The following PPID variants were observed in gnomAD, a reference collection of about 807,000 sequenced individuals.
PPID encodes the protein peptidylprolyl isomerase D, also known as peptidyl-prolyl cis-trans isomerase D.
Under a neutral mutation model 48.1 loss-of-function variants are expected in PPID, and 47 were observed. The ratio of observed to expected loss-of-function variants is 0.98; its 90% CI spans 0.77 to 1.25. PPID has a LOEUF of 1.25. Among genes scored for constraint, PPID ranks in the 50% most tolerant of loss-of-function variants. The probability of loss-of-function intolerance (pLI) is 0.00; values close to 1 mark genes in which losing one functional copy is unlikely to be tolerated. For missense variants in PPID, 429 were observed against 443.5 expected (o/e 0.97, Z 0.29); for synonymous variants, 163 against 148.8 (o/e 1.10, Z -0.69).
chr4:158,714,030 AAAAAG>A (rs1227727731), intron 6 of PPID, among the ~76,000 whole-genome samples: 2 of 152,186 alleles, frequency 1.3e-5, no homozygotes, highest in African/African-American at 4.8e-5. Context: ...AAAAGGAAAA[AAAAAG>A]AAAAGAAAAA....
chr4:158,711,218 C>G (rs560615891), intron 7 of PPID, among the ~76,000 whole-genome samples: 7 of 151,958 alleles, frequency 4.6e-5, no homozygotes, highest in Non-Finnish European at 8.8e-5. Flanking sequence ...GTTATAAACT[C>G]TTAAGTTTTT....
At chr4:158,713,812 C>T (rs1483941525) in intron 6 of PPID, among the ~76,000 whole-genome samples, 1 of 150,688 alleles carries the variant, frequency 6.6e-6, no homozygotes, top group African/African-American at 2.5e-5. Flanking sequence ...TAGGAACATG[C>T]CAAAGGAAAG....
At chr4:158,715,026 C>T (rs1014580534) in intron 6 of PPID, among the ~76,000 whole-genome samples, 5 of 152,130 alleles carry the variant, frequency 3.3e-5, no homozygotes, top group Non-Finnish European at 7.3e-5. Context: ...CAACAACTTC[C>T]TATCAAAATA....
At chr4:158,717,979 C>T (rs1486662632) in intron 3 of PPID, among the ~76,000 whole-genome samples, 1 of 152,180 alleles carries the variant, frequency 6.6e-6, no homozygotes, top group Admixed American at 6.5e-5. Context: ...TATAATGTTT[C>T]ATGACACCCC....
Position 158,717,123 on chromosome 4 carries a change from A to G in PPID, c.411T>C (p.Val137=). 6.2e-7 allele frequency: 1 copy of G among 1,614,126 alleles called. No individual in the cohort carries two copies. The highest frequency in any genetic ancestry group is 8.5e-7 in the Non-Finnish European group (1 of 1,179,970). The change falls in exon 4 of 10, where the codon GTT becomes GTC. Residue 137 remains valine, a synonymous_variant. Coordinates refer to ENST00000307720, the MANE Select transcript of PPID (RefSeq NM_005038.3). Reference sequence around the variant, plus strand: ...GTTTCCCATCCAAATGAGGAGTTGGAACTGTTGTGATAAAAAACTGAGAAC... The same window carrying G: ...GTTTCCCATCCAAATGAGGAGTTGGGACTGTTGTGATAAAAAACTGAGAAC... ...TNGSQFFITT[V]PTPHLDGKHV...
At chr4:158,710,481 T>G in intron 9 of PPID, 147 bp downstream of exon 9, 1 of 781,948 alleles carries the variant, frequency 1.3e-6, no homozygotes, top group South Asian at 1.6e-5. Context: ...TCTTGTTCAT[T>G]GCTATATGAT....
intron 7 of PPID, among the ~76,000 whole-genome samples, chr4:158,711,911 G>A (rs1049152428): frequency 6.6e-6 from 1 of 152,110 alleles, no homozygotes; most frequent in Non-Finnish European, 1.5e-5. Context: ...AGGCTGCAGT[G>A]AGCTTTGATT....
chr4:158,720,784 G>A (rs933907084), intron 2 of PPID, among the ~76,000 whole-genome samples: 1 of 151,990 alleles, frequency 6.6e-6, no homozygotes, highest in Non-Finnish European at 1.5e-5. Flanking sequence ...GCGTGATCTC[G>A]GCTCACTGCA....
rs760948363 is a variant in PPID, at chr4:158,717,211, A to T, written c.334-11T>A. ...ACCCTCCCGATCATGCTGTAGAAATAAAAATTAAAAGAAAACCAAGGTTAG... is the reference window on the plus strand; with the variant it reads ...ACCCTCCCGATCATGCTGTAGAAATTAAAATTAAAAGAAAACCAAGGTTAG... On this transcript the variant is annotated splice_polypyrimidine_tract_variant and intron_variant, in intron 3 of 9. Coordinates refer to ENST00000307720, the MANE Select transcript of PPID (RefSeq NM_005038.3). 6.3e-7 allele frequency: 1 copy of T among 1,596,692 alleles called. No individual in the cohort carries two copies. Among genetic ancestry groups the T allele is most frequent in the South Asian group, 1.1e-5 (1 of 88,656 alleles).
chr4:158,715,593 A>C lies in PPID; in HGVS notation c.614T>G (p.Phe205Cys), dbSNP rs1463933963. ...TAAATCTATATCCGCATCCTCAGGG[A>C]AATCTGGATGACTGTCGCCAGAGCC... ...KDGSGDSHPD[F>C]PEDADIDLKD... is the part of the protein sequence containing the mutation. The change falls in exon 5 of 10, where the codon TTC becomes TGC. Residue 205 changes from phenylalanine to cysteine, a missense_variant. Phe to Cys is a radical substitution (Grantham distance 205, BLOSUM62 -2). Coordinates refer to ENST00000307720, the MANE Select transcript of PPID (RefSeq NM_005038.3). The C allele has an allele frequency of 1.2e-6, 2 of 1,614,016 alleles. No homozygotes were observed. The highest frequency in any genetic ancestry group is 4.5e-5 in the East Asian group (2 of 44,876).
intron 4 of PPID, 134 bp downstream of exon 4, chr4:158,716,878 T>C: frequency 1.1e-6 from 1 of 871,794 alleles, no homozygotes; most frequent in Non-Finnish European, 1.8e-6. Flanking sequence ...GGAGAATAGC[T>C]TGAACCTGGG....
intron 3 of PPID, among the ~76,000 whole-genome samples, chr4:158,718,470 C>A (rs1438607883): frequency 1.3e-5 from 2 of 152,150 alleles, no homozygotes; most frequent in Admixed American, 6.6e-5. Flanking sequence ...CTCCAGTAGT[C>A]CCATGTATCT....
Position 158,722,464 on chromosome 4 carries a change from T to C in PPID, c.85+740A>G, listed in dbSNP as rs974094961. 1.4e-4 allele frequency among the ~76,000 whole-genome samples: 21 copies of C among 152,386 alleles called. 1 individual carries two copies. The Middle Eastern group carries it at 0.01, about 74-fold the overall frequency. ...AGGTGAGATTAAACCTAGCCCTAGCTAGTTGCAACAAACTGAATGTACGTG... is the reference window on the plus strand; with the variant it reads ...AGGTGAGATTAAACCTAGCCCTAGCCAGTTGCAACAAACTGAATGTACGTG... On this transcript the variant is annotated intron_variant, in intron 1 of 9. Coordinates refer to ENST00000307720, the MANE Select transcript of PPID (RefSeq NM_005038.3).
In PPID at chr4:158,715,313, AT is replaced by A. The variant is rs573058760; in HGVS notation, c.735del (p.Lys245AsnfsTer6). On this transcript the variant is annotated frameshift_variant, in exon 6 of 10. Coordinates refer to ENST00000307720, the MANE Select transcript of PPID (RefSeq NM_005038.3). LOFTEE classifies it high-confidence loss of function. ...TAATATTACCTTAAAACTTCTGCAT[AT>A]TTTTTAATAGCCATCTCCCAGTTCT... Reference protein sequence around the residue: ...KSQNWEMAIKKYAEVLRYVDS... With the variant: ...KSQNWEMAIKXYAEVLRYVDS... The A allele has an allele frequency of 1.3e-4, 198 of 1,517,204 alleles. 1 individual carries two copies. The African/African-American group carries it at 2.5e-3, about 19-fold the overall frequency. The allele number at this position is 1,517,204 out of a possible 1,614,324, so 94.0% of individuals were successfully genotyped here.
In PPID at chr4:158,709,884, TAACA is replaced by T. The variant is rs985456000; in HGVS notation, c.1025-64_1025-61del. On this transcript the variant is annotated intron_variant, in intron 9 of 9. Transcript: ENST00000307720. ...AAAATATCCAAAAAATTATGGTGAC[TAACA>T]AACTATTTTAATGTTAACTACCCCT... 19 of 1,375,592 alleles carry T rather than the reference TAACA, an allele frequency of 1.4e-5. No individual in the cohort carries two copies. In the South Asian group the frequency reaches 1.4e-4, roughly 10 times the overall value. 85.2% of individuals were successfully genotyped at this position (1,375,592 alleles called of 1,614,324 possible).
intron 4 of PPID, 101 bp from the exon 5 acceptor site, chr4:158,715,785 T>G: frequency 7.6e-7 from 1 of 1,322,854 alleles, no homozygotes; most frequent in Non-Finnish European, 1.1e-6. Flanking sequence ...ATTCACAGAT[T>G]TATGTGAGAA....
chr4:158,718,971 C>T (rs555481977), intron 3 of PPID, among the ~76,000 whole-genome samples: 28 of 152,196 alleles, frequency 1.8e-4, no homozygotes, highest in Non-Finnish European at 3.8e-4. Flanking sequence ...CATATAAAAA[C>T]TGGATCACAA....
intron 9 of PPID, chr4:158,710,340 A>G (rs956079088): frequency 2.2e-5 from 11 of 503,232 alleles, no homozygotes; most frequent in African/African-American, 2.1e-4. Flanking sequence ...AAAGGATACC[A>G]TAAGACAAAC....
chr4:158,717,071 C>T lies in PPID; in HGVS notation c.463G>A (p.Gly155Arg). ...TCCAATATCCTTGCCACTCCTATTC[C>T]TTTAATTACTTGGCCAAACACCACA... ...KHVVFGQVIKGIGVARILENV... is the reference protein window; with the variant it reads ...KHVVFGQVIKRIGVARILENV... The change falls in exon 4 of 10, where the codon GGA (glycine) becomes AGA (arginine). Residue 155 changes from glycine to arginine, a missense_variant. Coordinates refer to ENST00000307720, the MANE Select transcript of PPID (RefSeq NM_005038.3). The T allele has an allele frequency of 6.2e-7, 1 of 1,614,098 alleles. No homozygotes were observed.
Sources: allele counts gnomAD v4.1 joint callset (sites outside exome capture counted in the v4.1 genomes callset), GRCh38; gene constraint gnomAD v4.1.1; transcripts MANE v1.5; gene names NCBI Gene and HGNC (gene_info 2026-07-23, HGNC 2026-07-21).